The following TNFSF4 variants were observed in gnomAD, a reference collection of about 807,000 sequenced individuals.
The protein encoded by TNFSF4 is tumor necrosis factor ligand superfamily member 4.
A neutral mutation model predicts 7.3 loss-of-function variants in TNFSF4; 4 were observed. The ratio of observed to expected loss-of-function variants is 0.55; its 90% confidence interval spans 0.27 to 1.25. The LOEUF is 1.25. TNFSF4 is among the 50% of genes most tolerant of loss of function. The pLI, the probability that TNFSF4 is intolerant of heterozygous loss-of-function variation, is 0.12. For missense variants in TNFSF4, 181 were observed against 208.8 expected (o/e 0.87, Z 0.82); for synonymous variants, 76 against 83.7 (o/e 0.91, Z 0.50).
the TNFSF4 span, among the ~76,000 whole-genome samples, chr1:173,394,985 C>CACAT: frequency 2.9e-4 from 33 of 115,026 alleles, no homozygotes; most frequent in African/African-American, 1.3e-3. Flanking sequence ...TAATAGAGGA[C>CACAT]ACATAGATAG....
the TNFSF4 span, among the ~76,000 whole-genome samples, chr1:173,324,159 A>C: frequency 1.4e-4 from 21 of 152,226 alleles, no homozygotes; most frequent in African/African-American, 5.1e-4. Context: ...CTAACAGCGG[A>C]TCTCTCGGCA....
the TNFSF4 span, among the ~76,000 whole-genome samples, chr1:173,242,398 G>A: frequency 1.3e-5 from 2 of 152,134 alleles, no homozygotes; most frequent in Non-Finnish European, 2.9e-5. Context: ...GATATTGCTT[G>A]ACAATTAGTT....
At chr1:173,259,286 CAGAA>C in the TNFSF4 span, among the ~76,000 whole-genome samples, 1 of 151,432 alleles carries the variant, frequency 6.6e-6, no homozygotes, top group Non-Finnish European at 1.5e-5. Context: ...TAAAAACAAA[CAGAA>C]AGCAACAACA....
the TNFSF4 span, among the ~76,000 whole-genome samples, chr1:173,445,404 A>C: frequency 6.6e-6 from 1 of 152,312 alleles, no homozygotes; most frequent in East Asian, 1.9e-4. Flanking sequence ...TCTGTCTAGA[A>C]AGAAGGCTGG....
At chr1:173,176,485 G>A in the TNFSF4 span, among the ~76,000 whole-genome samples, 1 of 152,184 alleles carries the variant, frequency 6.6e-6, no homozygotes, top group Non-Finnish European at 1.5e-5. Flanking sequence ...TGTTGGCAAG[G>A]TTGTGGAGAA....
At chr1:173,261,307 C>A in the TNFSF4 span, among the ~76,000 whole-genome samples, 2 of 152,158 alleles carry the variant, frequency 1.3e-5, no homozygotes, top group African/African-American at 4.8e-5. Context: ...TGTACCAAAT[C>A]TCTGGGACAC....
chr1:173,175,508 T>C, the TNFSF4 span: 6 of 152,258 alleles, frequency 3.9e-5, no homozygotes, highest in Non-Finnish European at 8.8e-5. Context: ...TTTTTCTCTA[T>C]GCCTACTTTA....
At chr1:173,407,806 T>C in the TNFSF4 span, among the ~76,000 whole-genome samples, 1 of 152,042 alleles carries the variant, frequency 6.6e-6, no homozygotes, top group African/African-American at 2.4e-5. Context: ...CATATTTTGA[T>C]TTCTGCTATG....
At chr1:173,341,513 G>A in the TNFSF4 span, among the ~76,000 whole-genome samples, 4 of 152,302 alleles carry the variant, frequency 2.6e-5, no homozygotes, top group South Asian at 8.3e-4. Flanking sequence ...CCCCAAGTGG[G>A]ATGAGGTAAT....
chr1:173,265,447 C>T, the TNFSF4 span, among the ~76,000 whole-genome samples: 1 of 152,246 alleles, frequency 6.6e-6, no homozygotes, highest in South Asian at 2.1e-4. Context: ...TCTGTAGACT[C>T]AATAGAAATT....
chr1:173,329,611 C>T, the TNFSF4 span, among the ~76,000 whole-genome samples: 1 of 151,912 alleles, frequency 6.6e-6, no homozygotes, highest in Non-Finnish European at 1.5e-5. Context: ...ATTTTTTTCA[C>T]CTCATATACA....
At chr1:173,419,430 G>A in the TNFSF4 span, among the ~76,000 whole-genome samples, 1 of 152,076 alleles carries the variant, frequency 6.6e-6, no homozygotes, top group Non-Finnish European at 1.5e-5. Context: ...TCTGCCACGT[G>A]AGGATGCAGC....
chr1:173,336,686 A>G, the TNFSF4 span, among the ~76,000 whole-genome samples: 5 of 152,278 alleles, frequency 3.3e-5, no homozygotes, highest in East Asian at 1.9e-4. Context: ...CATTATGCCA[A>G]TTGGAACTAG....
chr1:173,374,768 C>T, the TNFSF4 span, among the ~76,000 whole-genome samples: 1 of 152,112 alleles, frequency 6.6e-6, no homozygotes, highest in African/African-American at 2.4e-5. Context: ...TACTGTGGCT[C>T]CTGCCAGGAT....
chr1:173,326,013 T>G, the TNFSF4 span, among the ~76,000 whole-genome samples: 3 of 152,238 alleles, frequency 2.0e-5, no homozygotes, highest in African/African-American at 7.2e-5. Flanking sequence ...CTAACTCATA[T>G]TATGAGGCCA....
chr1:173,205,583 T>C, intron 1 of TNFSF4: 3 of 1,201,122 alleles, frequency 2.5e-6, no homozygotes, highest in Non-Finnish European at 3.1e-6. Flanking sequence ...TAAGGAAATA[T>C]GTAACACTGT....
At chr1:173,209,491 T>A (rs1417514249), upstream of TNFSF4, among the ~76,000 whole-genome samples, 2 of 152,130 alleles carry the variant, frequency 1.3e-5, no homozygotes. Context: ...CTATGGGCAA[T>A]TTTTTTCATT....
chr1:173,240,710 C>A, the TNFSF4 span, among the ~76,000 whole-genome samples: 690 of 152,206 alleles, frequency 4.5e-3, 4 homozygotes, highest in Non-Finnish European at 8.2e-3. Context: ...AACAAAGGTG[C>A]TAGTCATGAG....
At chr1:173,232,245 T>G in the TNFSF4 span, among the ~76,000 whole-genome samples, 2 of 152,110 alleles carry the variant, frequency 1.3e-5, no homozygotes, top group Non-Finnish European at 2.9e-5. Flanking sequence ...GAATGGGAGT[T>G]CACTCATGAT....
Sources: allele counts gnomAD v4.1 joint callset (sites outside exome capture counted in the v4.1 genomes callset), GRCh38; gene constraint gnomAD v4.1.1; transcripts MANE v1.5; gene names NCBI Gene and HGNC (gene_info 2026-07-23, HGNC 2026-07-21).